CSMD1: variants seen among roughly 807,000 people sequenced by gnomAD.
The protein encoded by CSMD1 is CUB and sushi domain-containing protein 1.
Under a neutral mutation model 417.5 loss-of-function variants are expected in CSMD1, and 213 were observed. The ratio of observed to expected loss-of-function variants is 0.51; its 90% CI spans 0.46 to 0.57. The LOEUF is 0.57. CSMD1 is among the 20% of genes least tolerant of loss of function. The probability of loss-of-function intolerance (pLI) is 0.00; values close to 1 mark genes in which losing one functional copy is unlikely to be tolerated. For synonymous variants in CSMD1, 2,862 were observed against 1,736.8 expected, an observed-to-expected ratio of 1.65 and a Z score of -16.11; for missense variants, 6,923 against 4,529.7, an observed-to-expected ratio of 1.53 and a Z score of -15.17.
At chr8:3,860,994 A>C (rs572305463) in intron 5 of CSMD1, among the ~76,000 whole-genome samples, 1 of 152,362 alleles carries the variant, frequency 6.6e-6, no homozygotes, top group African/African-American at 2.4e-5. Flanking sequence ...CAAAGCATGG[A>C]AAGTATGACA....
chr8:4,627,952 A>G (rs980716638), intron 2 of CSMD1, among the ~76,000 whole-genome samples: 1 of 152,030 alleles, frequency 6.6e-6, no homozygotes. Flanking sequence ...TCTAGATTAT[A>G]CCTGTCAGAT....
At chr8:3,327,570 T>C (rs928421908) in intron 23 of CSMD1, among the ~76,000 whole-genome samples, 3 of 152,204 alleles carry the variant, frequency 2.0e-5, no homozygotes, top group African/African-American at 7.2e-5. Flanking sequence ...CACAACTGAA[T>C]GTCACCATGT....
intron 1 of CSMD1, among the ~76,000 whole-genome samples, chr8:4,921,392 G>A (rs1017519927): frequency 5.3e-5 from 8 of 152,232 alleles, no homozygotes; most frequent in Non-Finnish European, 1.2e-4. Context: ...TATTTAATAT[G>A]AAACATGTAT....
intron 5 of CSMD1, among the ~76,000 whole-genome samples, chr8:3,871,964 T>C (rs1034116652): frequency 5.9e-5 from 9 of 152,194 alleles, no homozygotes; most frequent in African/African-American, 2.2e-4. Flanking sequence ...CCATTTTCTA[T>C]TTGTGAGCTA....
chr8:4,802,582 G>C (rs1369371357), intron 1 of CSMD1, among the ~76,000 whole-genome samples: 1 of 152,066 alleles, frequency 6.6e-6, no homozygotes, highest in Non-Finnish European at 1.5e-5. Context: ...AGATCACAAT[G>C]TTTTTTTCTT....
chr8:4,245,173 C>G (rs761263489), intron 3 of CSMD1, among the ~76,000 whole-genome samples: 1 of 152,202 alleles, frequency 6.6e-6, no homozygotes, highest in Non-Finnish European at 1.5e-5. Context: ...CATTCCCCAT[C>G]TTATTAGTGG....
At chr8:4,760,675 C>A (rs2607553) in intron 1 of CSMD1, among the ~76,000 whole-genome samples, 48 of 152,054 alleles carry the variant, frequency 3.2e-4, no homozygotes, top group African/African-American at 1.1e-3. Flanking sequence ...TTGTCTATTT[C>A]CTTTGTTCAT....
intron 6 of CSMD1, among the ~76,000 whole-genome samples, chr8:3,715,658 T>G (rs1801789286): frequency 6.6e-6 from 1 of 152,180 alleles, no homozygotes; most frequent in Non-Finnish European, 1.5e-5. Context: ...TTCTCCTGCC[T>G]TGGCCTCCTG....
Position 3,565,131 on chromosome 8 carries a change from C to CAAAAAAAAAAAAAAAAAAAA in CSMD1, c.1344+9794_1344+9813dup, listed in dbSNP as rs869248314. ...TACTTAACTCTGTAGTGCAAGACAG[C>CAAAAAAAAAAAAAAAAAAAA]AAAAAAAAAAAAAAAAAAAAAAAAA... On this transcript the variant is annotated intron_variant, in intron 10 of 69. Coordinates refer to ENST00000635120, the MANE Select transcript of CSMD1 (RefSeq NM_033225.6). Among the ~76,000 whole-genome samples the CAAAAAAAAAAAAAAAAAAAA allele has an allele frequency of 7.7e-4, 8 of 10,450 alleles. 1 individual carries two copies. Among genetic ancestry groups the CAAAAAAAAAAAAAAAAAAAA allele is most frequent in the Non-Finnish European group, 1.5e-3 (8 of 5,368 alleles). 6.9% of individuals were successfully genotyped at this position (10,450 alleles called of 152,430 possible).
At chr8:3,921,670 C>G (rs541365996) in intron 5 of CSMD1, among the ~76,000 whole-genome samples, 70 of 152,024 alleles carry the variant, frequency 4.6e-4, no homozygotes, top group Admixed American at 7.2e-4. Context: ...GCGTATGTTG[C>G]TTAATTTTCA....
chr8:4,393,505 A>G (rs1463296119), intron 3 of CSMD1, among the ~76,000 whole-genome samples: 2 of 152,202 alleles, frequency 1.3e-5, no homozygotes, highest in African/African-American at 2.4e-5. Flanking sequence ...AGATTTAAAC[A>G]TATCTCATAC....
chr8:3,764,548 C>G (rs763268134), intron 5 of CSMD1, among the ~76,000 whole-genome samples: 1 of 151,974 alleles, frequency 6.6e-6, no homozygotes, highest in African/African-American at 2.4e-5. Flanking sequence ...GTGGGGAGTA[C>G]AGGTTGCTGT....
chr8:3,769,203 C>G (rs1020861386), intron 5 of CSMD1, among the ~76,000 whole-genome samples: 1 of 152,208 alleles, frequency 6.6e-6, no homozygotes, highest in Non-Finnish European at 1.5e-5. Flanking sequence ...TGTTCACAGA[C>G]ATGTTGGTGA....
Position 3,845,513 on chromosome 8 carries a change from C to G in CSMD1, c.819-91471G>C, listed in dbSNP as rs555772226. ...ATGCTACACCTGTACAGGGTACTTG[C>G]CATGAATGGAGCTTGCAGGACCAGA... is the stretch of plus-strand genomic sequence containing the variant. On this transcript the variant is annotated intron_variant, in intron 5 of 69. Transcript: ENST00000635120. Among the ~76,000 whole-genome samples, 316 of 152,226 alleles carry G rather than the reference C, an allele frequency of 2.1e-3. 1 individual carries two copies. Among genetic ancestry groups the G allele is most frequent in the African/African-American group, 6.0e-3 (250 of 41,538 alleles).
chr8:4,637,280 T>C lies in CSMD1; in HGVS notation c.302+62A>G, dbSNP rs917542624. On this transcript the variant is annotated intron_variant, in intron 2 of 69. Transcript: ENST00000635120. The stretch of plus-strand genomic sequence containing the variant: ...AATAATAAAATTTAAATATTCCAAC[T>C]AGATTTCATAATCTGTGTATTCAAA... 27 of 1,359,624 alleles carry C rather than the reference T, an allele frequency of 2.0e-5. No individual in the cohort carries two copies. In the Admixed American group the frequency reaches 4.1e-4, roughly 21 times the overall value. 84.2% of individuals were successfully genotyped at this position (1,359,624 alleles called of 1,614,324 possible). A position where few individuals can be genotyped will look rare whatever the true frequency, so the allele number is the denominator to read the frequency against.
chr8:3,390,354 C>CAAAAAAAAAAAAAAAAAAAAAA lies in CSMD1; in HGVS notation c.2594-2694_2594-2673dup, dbSNP rs35292914. Among the ~76,000 whole-genome samples, 2 of 64,248 alleles carry CAAAAAAAAAAAAAAAAAAAAAA rather than the reference C, an allele frequency of 3.1e-5. 1 individual carries two copies. The highest frequency in any genetic ancestry group is 5.3e-5 in the Non-Finnish European group (2 of 37,564). The allele number at this position is 64,248 out of a possible 152,430, so 42.1% of individuals were successfully genotyped here. A position where few individuals can be genotyped will look rare whatever the true frequency, so the allele number is the denominator to read the frequency against. On this transcript the variant is annotated intron_variant, in intron 17 of 69. Transcript: ENST00000635120. ...TGGGCGACAGAGCAAGACTCTGTCT[C>CAAAAAAAAAAAAAAAAAAAAAA]AAAAAAAAAAAAAAAAAAAAAAAAA...
intron 23 of CSMD1, among the ~76,000 whole-genome samples, chr8:3,319,654 G>T (rs1277770990): frequency 1.3e-5 from 2 of 152,080 alleles, no homozygotes; most frequent in East Asian, 3.9e-4. Context: ...TATTTTTAAA[G>T]ATGGGAGAAT....
chr8:3,900,962 C>T (rs995668034), intron 5 of CSMD1, among the ~76,000 whole-genome samples: 22 of 152,220 alleles, frequency 1.4e-4, no homozygotes, highest in African/African-American at 4.8e-4. Flanking sequence ...AAGGACAGAA[C>T]AGAGCCTGAA....
At chr8:3,163,070 C>T (rs1177454056) in intron 37 of CSMD1, among the ~76,000 whole-genome samples, 2 of 152,296 alleles carry the variant, frequency 1.3e-5, no homozygotes, top group South Asian at 4.1e-4. Flanking sequence ...AAGGTACAAA[C>T]TTTCCATTAT....
Sources: allele counts gnomAD v4.1 joint callset (sites outside exome capture counted in the v4.1 genomes callset), GRCh38; gene constraint gnomAD v4.1.1; transcripts MANE v1.5; gene names NCBI Gene and HGNC (gene_info 2026-07-23, HGNC 2026-07-21).